Variants in CKB observed in about 807,000 individuals in gnomAD.
The protein encoded by CKB is creatine kinase B-type.
In CKB, 15 loss-of-function variants were observed where a neutral mutation model predicts 36.9. The ratio of observed to expected loss-of-function variants is 0.41; its 90% CI spans 0.27 to 0.63. The LOEUF is 0.63. CKB is among the 20% of genes least tolerant of loss of function. The pLI is 0.34. For missense variants in CKB, 413 were observed against 534.9 expected, an observed-to-expected ratio of 0.77 and a Z score of 2.25; for synonymous variants, 250 against 228.2, an observed-to-expected ratio of 1.10 and a Z score of -0.86.
In CKB at chr14:103,520,208, C is replaced by G. The variant is rs751365302; in HGVS notation, c.881G>C (p.Gly294Ala). The change falls in exon 7 of 8, where the codon GGT (glycine) becomes GCT (alanine). Residue 294 changes from glycine to alanine, a missense_variant. Transcript: ENST00000348956. ...PSNLGTGLRAGVHIKLPNLGK... is the reference protein window; with the variant it reads ...PSNLGTGLRAAVHIKLPNLGK... ...CAGGTTGGGCAGCTTGATATGCACA[C>G]CTGCCCGCAGCCCGGTGCCCAGGTT... The G allele has an allele frequency of 6.2e-7, 1 of 1,613,550 alleles. No homozygotes were observed. Among genetic ancestry groups the G allele is most frequent in the South Asian group, 1.1e-5 (1 of 91,084 alleles).
At position 103,522,562 on chromosome 14, in the gene CKB, C is replaced by G; in HGVS notation, c.-12-57G>C. On this transcript the variant is annotated intron_variant, in intron 1 of 7. Coordinates refer to ENST00000348956, the MANE Select transcript of CKB (RefSeq NM_001823.5). This position sits in a 1 kb window ranked among gnomAD's most constrained non-coding sequence, Gnocchi z 6.7. ...GCACGCCGGGGTTCCCGGGCTCCCG[C>G]GTACCACTCAGGCCCCCGCCGCCGG... 8.8e-7 allele frequency: 1 copy of G among 1,141,972 alleles called. No individual in the cohort carries two copies. Among genetic ancestry groups the G allele is most frequent in the Non-Finnish European group, 1.2e-6 (1 of 860,330 alleles). 70.7% of individuals were successfully genotyped at this position (1,141,972 alleles called of 1,614,324 possible). A position where few individuals can be genotyped will look rare whatever the true frequency, so the allele number is the denominator to read the frequency against.
Position 103,520,012 on chromosome 14 carries a change from A to G in CKB, c.998T>C (p.Val333Ala). The G allele has an allele frequency of 6.2e-7, 1 of 1,609,252 alleles. No homozygotes were observed. The highest frequency in any genetic ancestry group is 8.5e-7 in the Non-Finnish European group (1 of 1,179,680). Residue 333 changes from valine to alanine, a missense_variant, in exon 8 of 8, where the codon GTC becomes GCC. Val to Ala is a moderately conservative substitution (Grantham distance 64). Transcript: ENST00000348956. ...GCGGTCAGCGTTGGAGACGTCGAAGACCCCGCCCACCGCAGCCGTGTCCAC... is the reference window on the plus strand; with the variant it reads ...GCGGTCAGCGTTGGAGACGTCGAAGGCCCCGCCCACCGCAGCCGTGTCCAC... Reference protein sequence around the residue: ...GGVDTAAVGGVFDVSNADRLG... With the variant: ...GGVDTAAVGGAFDVSNADRLG...
rs1029738728 is a variant in CKB, at chr14:103,519,692, C to A, written c.*172G>T. On this transcript the variant is annotated 3_prime_UTR_variant, in exon 8 of 8. Transcript: ENST00000348956. Reference sequence around the variant, plus strand: ...GGCAGGCCAAAACCCTAGTTTATTTCAGCATCAGCAGTATCTTAGCCATCA... The same window carrying A: ...GGCAGGCCAAAACCCTAGTTTATTTAAGCATCAGCAGTATCTTAGCCATCA... 1.4e-6 allele frequency: 1 copy of A among 704,242 alleles called. No individual in the cohort carries two copies. The highest frequency in any genetic ancestry group is 2.2e-6 in the Non-Finnish European group (1 of 452,932). 43.6% of individuals were successfully genotyped at this position (704,242 alleles called of 1,614,324 possible). A position where few individuals can be genotyped will look rare whatever the true frequency, so the allele number is the denominator to read the frequency against.
chr14:103,522,046 C>A lies in CKB; in HGVS notation c.325G>T (p.Asp109Tyr). The change falls in exon 3 of 8, where the codon GAC becomes TAC. Residue 109 changes from aspartate (D) to tyrosine (Y), a missense_variant. Around this residue, in one of 3 missense-constraint regions of CKB, gnomAD observed 314 missense variants for 409.4 expected, o/e 0.77. Transcript: ENST00000348956. The surrounding 1 kb of genome is among the most constrained non-coding windows in gnomAD (Gnocchi z 6.7). The stretch of plus-strand genomic sequence containing the variant: ...ACCTGCAGGTTGTCGGGGTTGAGGT[C>A]GGTCTTGTGCTCATCGCTGGGCTTG... ...GYKPSDEHKTDLNPDNLQGGD... is the reference protein window; with the variant it reads ...GYKPSDEHKTYLNPDNLQGGD... 6.7e-7 allele frequency: 1 copy of A among 1,490,038 alleles called. No individual in the cohort carries two copies. Among genetic ancestry groups the A allele is most frequent in the Non-Finnish European group, 9.0e-7 (1 of 1,111,868 alleles). 92.3% of individuals were successfully genotyped at this position (1,490,038 alleles called of 1,614,324 possible). A position where few individuals can be genotyped will look rare whatever the true frequency, so the allele number is the denominator to read the frequency against.
chr14:103,519,877 G>C lies in CKB; in HGVS notation c.1133C>G (p.Pro378Arg). Residue 378 changes from proline to arginine, a missense_variant, in exon 8 of 8, where the codon CCT (proline) becomes CGT (arginine). By Grantham distance (103) the Pro-to-Arg change is moderately radical. Around this residue, in one of 3 missense-constraint regions of CKB, gnomAD observed 314 missense variants for 409.4 expected, o/e 0.77. Transcript: ENST00000348956. ...GTGGGCCGGGCTTCATTTCTGGGCA[G>C]GCATGAGGTCGTCGATGGCCTGGCC... ...EQGQAIDDLM[P>R]AQK is the part of the protein sequence containing the mutation. 1 of 1,604,912 alleles carries C rather than the reference G, an allele frequency of 6.2e-7. No homozygotes were observed. The highest frequency in any genetic ancestry group is 1.1e-5 in the South Asian group (1 of 90,956).
chr14:103,521,091 C>T (rs1258501926), intron 5 of CKB, 172 bp downstream of exon 5: 3 of 850,838 alleles, frequency 3.5e-6, no homozygotes, highest in African/African-American at 3.3e-5. Context: ...CCAAGGTCAC[C>T]GGCGCAGGAG....
In CKB at chr14:103,521,275, G is replaced by C. The variant is rs1484040781; in HGVS notation, c.641C>G (p.Ala214Gly). The C allele has an allele frequency of 1.3e-6, 2 of 1,595,156 alleles. No homozygotes were observed. The highest frequency in any genetic ancestry group is 2.7e-5 in the African/African-American group (2 of 74,324). Reference protein sequence around the residue: ...ASGMARDWPDARGIWHNDNKT... With the variant: ...ASGMARDWPDGRGIWHNDNKT... ...GAGGGACACGCACCAGATACCGCGG[G>C]CGTCGGGCCAGTCGCGGGCCATGCC... Residue 214 changes from alanine to glycine, a missense_variant, in exon 5 of 8, where the codon GCC (alanine) becomes GGC (glycine). Around this residue, in one of 3 missense-constraint regions of CKB, gnomAD observed 314 missense variants for 409.4 expected, o/e 0.77. Coordinates refer to ENST00000348956, the MANE Select transcript of CKB (RefSeq NM_001823.5).
rs533583660 is a variant in CKB at position 103,519,978 on chromosome 14, G to A, written c.1032C>T (p.Phe344=). Residue 344 remains phenylalanine (F), a synonymous_variant, in exon 8 of 8, where the codon TTC becomes TTT. Transcript: ENST00000348956. ...CCATCTGCACCAGCTCCACCTCTGA[G>A]AAGCCCAGGCGGTCAGCGTTGGAGA... ...FDVSNADRLG[F]SEVELVQMVV... is the part of the protein sequence containing the mutation. 43 of 1,611,082 alleles carry A rather than the reference G, an allele frequency of 2.7e-5. No individual in the cohort carries two copies. The highest frequency in any genetic ancestry group is 3.3e-4 in the Middle Eastern group (2 of 6,084).
In CKB at chr14:103,519,736, A is replaced by C. The variant is rs925745031; in HGVS notation, c.*128T>G. The C allele has an allele frequency of 1.1e-5, 12 of 1,069,500 alleles. No individual in the cohort carries two copies. The African/African-American group carries it at 1.9e-4, about 17-fold the overall frequency. 66.3% of individuals were successfully genotyped at this position (1,069,500 alleles called of 1,614,324 possible). ...GCCATCAAAAAAATAAACTCTACCAAGGGTGACGGAAGTCTCTACAGCAAG... is the reference window on the plus strand; with the variant it reads ...GCCATCAAAAAAATAAACTCTACCACGGGTGACGGAAGTCTCTACAGCAAG... On this transcript the variant is annotated 3_prime_UTR_variant, in exon 8 of 8. Coordinates refer to ENST00000348956, the MANE Select transcript of CKB (RefSeq NM_001823.5).
At chr14:103,520,659 C>T (rs1266537699) in intron 5 of CKB, 67 bp from the exon 6 acceptor site, 2 of 1,530,440 alleles carry the variant, frequency 1.3e-6, no homozygotes, top group Non-Finnish European at 1.8e-6. Context: ...ACCAAAGGAA[C>T]TTCCCAAGTC....
At chr14:103,521,592 C>G in intron 4 of CKB, 158 bp from the exon 5 acceptor site, 1 of 927,212 alleles carries the variant, frequency 1.1e-6, no homozygotes, top group Non-Finnish European at 1.5e-6. Flanking sequence ...GCGACGGTCC[C>G]AGGCGGTGAC....
chr14:103,521,476 C>T (rs374321801), intron 4 of CKB, 42 bp from the exon 5 acceptor site: 112 of 1,458,788 alleles, frequency 7.7e-5, no homozygotes, highest in Middle Eastern at 2.4e-4. Context: ...CCGCGCCCGC[C>T]CCTCCAGCCC....
chr14:103,520,692 T>C, intron 5 of CKB, 100 bp from the exon 6 acceptor site: 1 of 1,436,674 alleles, frequency 7.0e-7, no homozygotes. Context: ...CTCCCTGCCA[T>C]GCCCAGGAGT....
At chr14:103,521,606 G>C (rs1045634033) in intron 4 of CKB, 172 bp from the exon 5 acceptor site, 2 of 904,580 alleles carry the variant, frequency 2.2e-6, no homozygotes, top group Admixed American at 4.3e-5. Flanking sequence ...CGGTGACCCC[G>C]CGCCAGGACC....
intron 5 of CKB, 120 bp downstream of exon 5, chr14:103,521,143 C>T (rs1041327622): frequency 1.6e-6 from 2 of 1,271,086 alleles, no homozygotes; most frequent in Admixed American, 2.0e-5. Context: ...CGGCCGGCCC[C>T]TCCCTCCTCC....
intron 5 of CKB, chr14:103,521,015 G>T (rs955603545): frequency 2.1e-5 from 13 of 624,974 alleles, no homozygotes; most frequent in African/African-American, 1.5e-4. Context: ...GTCTCGGGGT[G>T]GGGAGGTGTT....
intron 5 of CKB, chr14:103,520,969 G>A (rs952769649): frequency 1.8e-6 from 1 of 570,710 alleles, no homozygotes. Flanking sequence ...CAGGGCCGTC[G>A]GGGAGAGGCG....
intron 7 of CKB, 28 bp downstream of exon 7, chr14:103,520,094 G>A (rs1484112823): frequency 2.5e-6 from 4 of 1,602,986 alleles, no homozygotes; most frequent in Admixed American, 3.4e-5. Context: ...CAAAGGCCAC[G>A]GGAAGCCGCA....
chr14:103,519,797 C>A lies in CKB; in HGVS notation c.*67G>T, dbSNP rs1441644684. ...CGCCAGACGGCGAACATCAGGGGTGCATGGTGGGCACTGCCCAGGCAATAA... is the reference window on the plus strand; with the variant it reads ...CGCCAGACGGCGAACATCAGGGGTGAATGGTGGGCACTGCCCAGGCAATAA... On this transcript the variant is annotated 3_prime_UTR_variant, in exon 8 of 8. Transcript: ENST00000348956. The A allele has an allele frequency of 3.3e-6, 5 of 1,519,310 alleles. No homozygotes were observed. The African/African-American group carries it at 4.1e-5, about 13-fold the overall frequency. The allele number at this position is 1,519,310 out of a possible 1,614,324, so 94.1% of individuals were successfully genotyped here.
Sources: allele counts gnomAD v4.1 joint callset, GRCh38; gene constraint gnomAD v4.1.1; regional missense constraint gnomAD v4.1.1; non-coding constraint Gnocchi (gnomAD v3.1); transcripts MANE v1.5; gene names NCBI Gene and HGNC (gene_info 2026-07-23, HGNC 2026-07-21).